The following PLA2G6 variants were observed in gnomAD, a reference collection of about 807,000 sequenced individuals.
PLA2G6 encodes the protein phospholipase A2 group VI.
PLA2G6 carries 62 observed loss-of-function variants against 83.8 expected under a neutral mutation model. The observed-to-expected ratio is 0.74, with a 90% CI of 0.60 to 0.91. The LOEUF is 0.91. Among genes scored for constraint, PLA2G6 ranks in the 40% least tolerant of loss-of-function variants. The probability of loss-of-function intolerance (pLI) is 0.00; values close to 1 mark genes in which losing one functional copy is unlikely to be tolerated. For missense variants in PLA2G6, 944 were observed against 1,102.0 expected, an observed-to-expected ratio of 0.86 and a Z score of 2.03; for synonymous variants, 417 against 449.8, an observed-to-expected ratio of 0.93 and a Z score of 0.92.
At chr22:38,137,160 G>A (rs1429567854) in intron 5 of PLA2G6, 1 of 152,286 alleles carries the variant, frequency 6.6e-6, no homozygotes, top group African/African-American at 2.4e-5. Context: ...TATTATTAGG[G>A]GTGCCCAGCA....
chr22:38,180,338 A>G lies in PLA2G6; in HGVS notation c.-46+1326T>C, dbSNP rs532765729. On this transcript the variant is annotated intron_variant, in intron 1 of 16. Coordinates refer to ENST00000332509, the MANE Select transcript of PLA2G6 (RefSeq NM_003560.4). The stretch of plus-strand genomic sequence containing the variant: ...ACAGTAGCAAACCTTACACATCAGG[A>G]CAATCACACAGGCTCTGGTGTCAGA... 4 of 152,372 alleles carry G rather than the reference A, an allele frequency of 2.6e-5. No individual in the cohort carries two copies. The East Asian group carries it at 7.7e-4, about 29-fold the overall frequency. The allele number at this position is 152,372 out of a possible 1,614,324, so 9.4% of individuals were successfully genotyped here. A position where few individuals can be genotyped will look rare whatever the true frequency, so the allele number is the denominator to read the frequency against.
chr22:38,121,159 CTT>C, intron 11 of PLA2G6: 1 of 446,620 alleles, frequency 2.2e-6, no homozygotes, highest in East Asian at 4.6e-5. Flanking sequence ...AGGTGGATCA[CTT>C]GAGGTCAGGA....
At chr22:38,122,018 C>A (rs1333432102) in intron 11 of PLA2G6, among the ~76,000 whole-genome samples, 1 of 152,176 alleles carries the variant, frequency 6.6e-6, no homozygotes, top group African/African-American at 2.4e-5. Context: ...AGTCAATAAA[C>A]CGCCGTGGAC....
intron 2 of PLA2G6, among the ~76,000 whole-genome samples, chr22:38,155,289 A>G (rs576631451): frequency 1.7e-4 from 26 of 152,314 alleles, no homozygotes; most frequent in Non-Finnish European, 2.9e-4. Flanking sequence ...ACATACTGCT[A>G]AATGCTAAAG....
At chr22:38,127,028 C>T in intron 9 of PLA2G6, 1 of 1,096,998 alleles carries the variant, frequency 9.1e-7, no homozygotes, top group South Asian at 2.5e-5. Flanking sequence ...TCCACTCTGT[C>T]CATGTCTTCC....
intron 2 of PLA2G6, among the ~76,000 whole-genome samples, chr22:38,159,116 CA>C (rs2089908878): frequency 6.6e-6 from 1 of 152,004 alleles, no homozygotes; most frequent in Non-Finnish European, 1.5e-5. Context: ...TAAACAAAGC[CA>C]AAAGTTGGTT....
chr22:38,148,426 C>A (rs2089386786), intron 2 of PLA2G6: 13 of 703,754 alleles, frequency 1.8e-5, no homozygotes, highest in Middle Eastern at 2.3e-4. Context: ...GCCAGAAATG[C>A]TGGACAAATT....
At position 38,134,890 on chromosome 22, in the gene PLA2G6, T is replaced by C. The variant is rs563063380; in HGVS notation, c.894+98A>G. On this transcript the variant is annotated intron_variant, in intron 6 of 16. Transcript: ENST00000332509. ...CACTGCAAGGTCAGCCCCCAAGTGC[T>C]AGCCTCAGGGTCCTCTCGGGAACCT... is the stretch of plus-strand genomic sequence containing the variant. The C allele has an allele frequency of 3.7e-4, 291 of 791,076 alleles. 10 individuals are homozygous for C. In the South Asian group the frequency reaches 4.1e-3, roughly 11 times the overall value. The allele number at this position is 791,076 out of a possible 1,614,324, so 49.0% of individuals were successfully genotyped here.
chr22:38,174,886 A>G (rs1440557151), intron 1 of PLA2G6, among the ~76,000 whole-genome samples: 1 of 152,108 alleles, frequency 6.6e-6, no homozygotes, highest in African/African-American at 2.4e-5. Flanking sequence ...CGCCATGCCC[A>G]GGGAAGCTCC....
At position 38,124,095 on chromosome 22, in the gene PLA2G6, A is replaced by G. The variant is rs367986805; in HGVS notation, c.1428-837T>C. On this transcript the variant is annotated intron_variant, in intron 10 of 16. Transcript: ENST00000332509. The stretch of plus-strand genomic sequence containing the variant: ...TGTGATCCGCCTGTCTCGGCCTCCC[A>G]AAGTGCTGGGATTACAGGCACGAGC... Among the ~76,000 whole-genome samples, 330 of 152,146 alleles carry G rather than the reference A, an allele frequency of 2.2e-3. 1 individual carries two copies. The highest frequency in any genetic ancestry group is 7.4e-3 in the African/African-American group (308 of 41,476).
intron 7 of PLA2G6, among the ~76,000 whole-genome samples, chr22:38,129,845 G>A (rs938057007): frequency 7.2e-5 from 11 of 152,178 alleles, no homozygotes; most frequent in Non-Finnish European, 1.2e-4. Context: ...TGCCAGCTCC[G>A]CCTCCAAAGA....
At chr22:38,127,265 G>A in intron 9 of PLA2G6, 1 of 1,232,552 alleles carries the variant, frequency 8.1e-7, no homozygotes, top group South Asian at 1.4e-5. Context: ...AAGCAGAAGA[G>A]TGGCTGAGAG....
At position 38,146,566 on chromosome 22, in the gene PLA2G6, G is replaced by C. The variant is rs2089270825; in HGVS notation, c.210-913C>G. The C allele has an allele frequency of 2.6e-5, 4 of 152,060 alleles. No individual in the cohort carries two copies. In the South Asian group the frequency reaches 8.3e-4, roughly 32 times the overall value. The allele number at this position is 152,060 out of a possible 1,614,324, so 9.4% of individuals were successfully genotyped here. On this transcript the variant is annotated intron_variant, in intron 2 of 16. Coordinates refer to ENST00000332509, the MANE Select transcript of PLA2G6 (RefSeq NM_003560.4). The stretch of plus-strand genomic sequence containing the variant: ...TTATATTTTATTTTACCACAGCCCT[G>C]CCATATCCACTTTCTAATTTCATTG...
chr22:38,145,742 G>A (rs2089210175), intron 2 of PLA2G6, 89 bp from the exon 3 acceptor site: 3 of 822,394 alleles, frequency 3.6e-6, no homozygotes, highest in Admixed American at 2.1e-5. Context: ...AGGTCCCCAG[G>A]CTGCGGCCTG....
At chr22:38,171,017 A>G (rs2090415613) in intron 1 of PLA2G6, among the ~76,000 whole-genome samples, 1 of 151,970 alleles carries the variant, frequency 6.6e-6, no homozygotes, top group South Asian at 2.1e-4. Flanking sequence ...CTAAAAATAC[A>G]AAAAATTAGC....
chr22:38,148,332 C>T (rs2089382350), intron 2 of PLA2G6: 2 of 582,982 alleles, frequency 3.4e-6, no homozygotes, highest in Non-Finnish European at 6.1e-6. Flanking sequence ...TGAATGCTGA[C>T]GGGAACGATG....
At chr22:38,118,867 C>T (rs1400303903) in intron 12 of PLA2G6, among the ~76,000 whole-genome samples, 2 of 152,014 alleles carry the variant, frequency 1.3e-5, no homozygotes, top group African/African-American at 4.8e-5. Context: ...GATCCTCCCA[C>T]CTCAGCCTCT....
Position 38,115,524 on chromosome 22 carries a change from C to T in PLA2G6, c.2034+3G>A. 1 of 1,612,784 alleles carries T rather than the reference C, an allele frequency of 6.2e-7. No individual in the cohort carries two copies. Among genetic ancestry groups the T allele is most frequent in the Non-Finnish European group, 8.5e-7 (1 of 1,179,498 alleles). On this transcript the variant is annotated splice_donor_region_variant and intron_variant, in intron 14 of 16. Transcript: ENST00000332509. ...TCCAGGCCCTCTGGCCTACGGCACTCACCTTGCGGATCAGGTCCTGATTGT... is the reference window on the plus strand; with the variant it reads ...TCCAGGCCCTCTGGCCTACGGCACTTACCTTGCGGATCAGGTCCTGATTGT...
At chr22:38,114,834 C>T (rs1467182919) in intron 14 of PLA2G6, among the ~76,000 whole-genome samples, 22 of 152,322 alleles carry the variant, frequency 1.4e-4, no homozygotes, top group Admixed American at 1.3e-3. Context: ...CCCAGGCAGG[C>T]GCTATGATGG....
Sources: allele counts gnomAD v4.1 joint callset (sites outside exome capture counted in the v4.1 genomes callset), GRCh38; gene constraint gnomAD v4.1.1; transcripts MANE v1.5; gene names NCBI Gene and HGNC (gene_info 2026-07-23, HGNC 2026-07-21).